Variants in ZNF765 observed in about 807,000 individuals in gnomAD.
ZNF765 encodes the protein zinc finger protein 765.
In ZNF765, 37 loss-of-function variants were observed where a neutral mutation model predicts 44.7. The ratio of observed to expected loss-of-function variants is 0.83; its 90% CI spans 0.64 to 1.09. ZNF765 has a LOEUF of 1.09. ZNF765 is among the 50% of genes least tolerant of loss of function. The probability of loss-of-function intolerance (pLI) is 0.00; values close to 1 mark genes in which losing one functional copy is unlikely to be tolerated. For missense variants in ZNF765, 594 were observed against 626.1 expected (o/e 0.95, Z 0.55); for synonymous variants, 201 against 213.7 (o/e 0.94, Z 0.52).
chr19:53,400,783 T>TATATATATATATATATATATATATATAC (rs10664389), intron 2 of ZNF765, among the ~76,000 whole-genome samples: 18 of 126,758 alleles, frequency 1.4e-4, no homozygotes, highest in Middle Eastern at 4.2e-3. Context: ...TATATATATA[T>TATATATATATATATATATATATATATAC]ACACACATAC....
intron 2 of ZNF765, among the ~76,000 whole-genome samples, chr19:53,399,721 G>C (rs1380534658): frequency 6.6e-6 from 1 of 151,856 alleles, no homozygotes; most frequent in African/African-American, 2.4e-5. Context: ...CATATGTTCC[G>C]GTTTCTTACA....
chr19:53,409,419 A>G lies in ZNF765; in HGVS notation c.*292A>G. Reference sequence around the variant, plus strand: ...TCTGTTTCAAATCCAACCTTGAAAGACATAGGAGAATTCACACTGGTGAGA... The same window carrying G: ...TCTGTTTCAAATCCAACCTTGAAAGGCATAGGAGAATTCACACTGGTGAGA... On this transcript the variant is annotated 3_prime_UTR_variant, in exon 4 of 4. Transcript: ENST00000396408. 1.2e-6 allele frequency: 1 copy of G among 846,574 alleles called. No homozygotes were observed. Among genetic ancestry groups the G allele is most frequent in the South Asian group, 1.3e-5 (1 of 75,092 alleles). The allele number at this position is 846,574 out of a possible 1,614,324, so 52.4% of individuals were successfully genotyped here.
intron 2 of ZNF765, among the ~76,000 whole-genome samples, chr19:53,398,303 G>C (rs1412303444): frequency 6.6e-6 from 1 of 152,184 alleles, no homozygotes; most frequent in Non-Finnish European, 1.5e-5. Context: ...TGGTGTCAGT[G>C]CTGTTGGGCA....
intron 2 of ZNF765, among the ~76,000 whole-genome samples, chr19:53,401,733 G>C (rs1425534557): frequency 6.6e-6 from 1 of 152,090 alleles, no homozygotes; most frequent in African/African-American, 2.4e-5. Context: ...AAAATTAACT[G>C]GTCGTGGTGG....
chr19:53,407,125 C>T (rs1232609890), intron 3 of ZNF765, among the ~76,000 whole-genome samples: 1 of 151,930 alleles, frequency 6.6e-6, no homozygotes, highest in African/African-American at 2.4e-5. Context: ...GATTCTTGTG[C>T]CTCGTGAGTC....
At position 53,410,012 on chromosome 19, in the gene ZNF765, T is replaced by C. The variant is rs2085818905; in HGVS notation, c.*885T>C. On this transcript the variant is annotated 3_prime_UTR_variant, in exon 4 of 4. Coordinates refer to ENST00000396408, the MANE Select transcript of ZNF765 (RefSeq NM_001040185.3). ...AGAGAGATCCTACAAGTGTGATAAATGCAGAATAAATGCAGAAAATTTTTC... is the reference window on the plus strand; with the variant it reads ...AGAGAGATCCTACAAGTGTGATAAACGCAGAATAAATGCAGAAAATTTTTC... The C allele has an allele frequency of 7.9e-5, 41 of 516,076 alleles. 1 individual carries two copies. Among genetic ancestry groups the C allele is most frequent in the South Asian group, 6.0e-4 (39 of 65,384 alleles). 32.0% of individuals were successfully genotyped at this position (516,076 alleles called of 1,614,324 possible). A position where few individuals can be genotyped will look rare whatever the true frequency, so the allele number is the denominator to read the frequency against.
At chr19:53,403,184 C>A (rs2085745049) in intron 3 of ZNF765, among the ~76,000 whole-genome samples, 1 of 151,724 alleles carries the variant, frequency 6.6e-6, no homozygotes, top group Admixed American at 6.6e-5. Flanking sequence ...AAAAAAATTT[C>A]ATATGTGTGT....
At chr19:53,417,456 A>G (rs1205008768) in intron 3 of ZNF765, among the ~76,000 whole-genome samples, 1 of 152,124 alleles carries the variant, frequency 6.6e-6, no homozygotes, top group Admixed American at 6.5e-5. Context: ...AAAGGACATG[A>G]TCTCGTTCTT....
intron 2 of ZNF765, 150 bp from the exon 3 acceptor site, chr19:53,401,915 A>C (rs1307358205): frequency 6.4e-7 from 1 of 1,572,354 alleles, no homozygotes; most frequent in Admixed American, 1.7e-5. Context: ...ACAACTGGGA[A>C]GACAAAATGC....
At chr19:53,414,791 ACC>A (rs1234299327), downstream of ZNF765, among the ~76,000 whole-genome samples, 1 of 149,470 alleles carries the variant, frequency 6.7e-6, no homozygotes, top group Non-Finnish European at 1.5e-5. Flanking sequence ...CACACAGGTC[ACC>A]ACAGGTGCTC....
intron 1 of ZNF765, among the ~76,000 whole-genome samples, chr19:53,396,164 G>C (rs75605502): frequency 1.7e-4 from 26 of 151,602 alleles, no homozygotes; most frequent in South Asian, 4.2e-4. Flanking sequence ...AGACAGAGCA[G>C]AGTGGTGCTG....
exon 4 of ZNF765, chr19:53,423,309 G>C (rs182664823): frequency 1.6e-6 from 1 of 639,716 alleles, no homozygotes; most frequent in Non-Finnish European, 2.9e-6. Context: ...TGCTGATCAC[G>C]AGGGCACCAG....
downstream of ZNF765, among the ~76,000 whole-genome samples, chr19:53,414,579 T>C (rs1400431461): frequency 6.8e-6 from 1 of 146,690 alleles, no homozygotes; most frequent in Non-Finnish European, 1.5e-5. Context: ...AAAACTACCT[T>C]ATAGACTTTC....
intron 3 of ZNF765, among the ~76,000 whole-genome samples, chr19:53,403,447 G>T (rs2085747157): frequency 6.6e-6 from 1 of 150,874 alleles, no homozygotes; most frequent in African/African-American, 2.5e-5. Flanking sequence ...CCTTCTTATT[G>T]ACTTTTGTTT....
chr19:53,399,360 C>T (rs10418296), intron 2 of ZNF765, among the ~76,000 whole-genome samples: 26,282 of 151,626 alleles, frequency 0.17, 2,382 homozygotes, highest in East Asian at 0.22. Flanking sequence ...CATCAGGCAT[C>T]TCCCTTCCCT....
chr19:53,423,279 G>A, exon 4 of ZNF765: 1 of 671,978 alleles, frequency 1.5e-6, no homozygotes, highest in South Asian at 1.5e-5. Context: ...GAAGACAAAA[G>A]ATCTGGGATA....
chr19:53,419,758 C>T (rs1272938028), intron 3 of ZNF765, among the ~76,000 whole-genome samples: 10 of 152,148 alleles, frequency 6.6e-5, no homozygotes. Context: ...TGGCTCACAC[C>T]TGTAATCCCA....
rs2085686715 is a variant in ZNF765 at position 53,397,933 on chromosome 19, T to C, written c.-73-10T>C. ...TTCTGAGCAATAAACAACATATTTC[T>C]AACATTCAGGATTGACTTCTAAAGA... On this transcript the variant is annotated splice_polypyrimidine_tract_variant and intron_variant, in intron 1 of 3. Coordinates refer to ENST00000396408, the MANE Select transcript of ZNF765 (RefSeq NM_001040185.3). 1 of 1,592,704 alleles carries C rather than the reference T, an allele frequency of 6.3e-7. No individual in the cohort carries two copies. Among genetic ancestry groups the C allele is most frequent in the Non-Finnish European group, 8.6e-7 (1 of 1,169,444 alleles).
At chr19:53,418,704 G>A (rs1298229566) in intron 3 of ZNF765, among the ~76,000 whole-genome samples, 1 of 151,964 alleles carries the variant, frequency 6.6e-6, no homozygotes, top group Non-Finnish European at 1.5e-5. Flanking sequence ...TCAGGAGTTG[G>A]AGACCAGCCT....
Sources: gnomAD v4.1 joint callset for allele counts (sites outside exome capture counted in the v4.1 genomes callset) on GRCh38, gnomAD v4.1.1 for gene constraint, MANE v1.5 for transcripts, NCBI Gene and HGNC (gene_info 2026-07-23, HGNC 2026-07-21) for gene names.